ARL15: variants seen among roughly 807,000 people sequenced by gnomAD.
ARL15 encodes the protein ARF like GTPase 15, also known as ADP-ribosylation factor-like protein 15.
In ARL15, 19 loss-of-function variants were observed where a neutral mutation model predicts 25.2. The ratio of observed to expected loss-of-function variants is 0.75; its 90% CI spans 0.53 to 1.10. The LOEUF is 1.10. Ranked by LOEUF, ARL15 falls within the 50% of genes least tolerant of loss-of-function variation. The pLI, the probability that ARL15 is intolerant of heterozygous loss-of-function variation, is 0.00. For synonymous variants in ARL15, 94 were observed against 86.8 expected (o/e 1.08, Z -0.46); for missense variants, 220 against 246.0 (o/e 0.89, Z 0.71).
At chr5:54,252,544 C>T (rs1254428160) in intron 1 of ARL15, among the ~76,000 whole-genome samples, 1 of 152,068 alleles carries the variant, frequency 6.6e-6, no homozygotes, top group Non-Finnish European at 1.5e-5. Flanking sequence ...GTTTAACCAC[C>T]GACAGGGTTC....
At chr5:54,002,125 T>G (rs1435304186) in intron 4 of ARL15, among the ~76,000 whole-genome samples, 1 of 150,946 alleles carries the variant, frequency 6.6e-6, no homozygotes, top group Non-Finnish European at 1.5e-5. Context: ...GTTCAACAGT[T>G]TTCTTTTTCC....
At chr5:53,970,997 AAG>A (rs1176291596) in intron 4 of ARL15, among the ~76,000 whole-genome samples, 1 of 152,184 alleles carries the variant, frequency 6.6e-6, no homozygotes, top group Non-Finnish European at 1.5e-5. Context: ...GGGAGGAAAA[AAG>A]AGAGAGAAAA....
intron 4 of ARL15, among the ~76,000 whole-genome samples, chr5:53,977,920 A>G (rs1329880496): frequency 6.9e-6 from 1 of 145,824 alleles, no homozygotes; most frequent in Non-Finnish European, 1.5e-5. Context: ...TATGTTCTTT[A>G]GATGAAAGAT....
chr5:54,168,179 A>G (rs1265813225), intron 2 of ARL15, among the ~76,000 whole-genome samples: 1 of 152,196 alleles, frequency 6.6e-6, no homozygotes, highest in Non-Finnish European at 1.5e-5. Flanking sequence ...GAATGAATTA[A>G]CAAAATATAA....
chr5:54,193,521 T>G (rs1755463709), intron 1 of ARL15, among the ~76,000 whole-genome samples: 1 of 152,070 alleles, frequency 6.6e-6, no homozygotes, highest in African/African-American at 2.4e-5. Flanking sequence ...GCGGGAACCC[T>G]ACTGTGAACT....
At chr5:53,918,109 A>C (rs561551603) in intron 4 of ARL15, among the ~76,000 whole-genome samples, 2 of 152,322 alleles carry the variant, frequency 1.3e-5, no homozygotes, top group African/African-American at 4.8e-5. Context: ...ATAACTACTA[A>C]TGAATCAAGA....
chr5:54,033,010 C>A (rs1262714678), intron 4 of ARL15, among the ~76,000 whole-genome samples: 1 of 150,818 alleles, frequency 6.6e-6, no homozygotes, highest in African/African-American at 2.4e-5. Flanking sequence ...AAGTTGGAAT[C>A]TACAGCTATA....
chr5:53,982,588 A>C (rs1178310344), intron 4 of ARL15, among the ~76,000 whole-genome samples: 3 of 152,094 alleles, frequency 2.0e-5, no homozygotes, highest in Non-Finnish European at 2.9e-5. Flanking sequence ...TCTATCATTG[A>C]TGGGCATTTG....
rs774608441 is a variant in ARL15 at position 54,125,075 on chromosome 5, G to GTTTTTTTTTTT, written c.254-11666_254-11665insAAAAAAAAAAA. Among the ~76,000 whole-genome samples the GTTTTTTTTTTT allele has an allele frequency of 9.6e-5, 13 of 135,002 alleles. 2 individuals are homozygous for GTTTTTTTTTTT. Among genetic ancestry groups the GTTTTTTTTTTT allele is most frequent in the African/African-American group, 1.8e-4 (6 of 34,272 alleles). 88.6% of individuals were successfully genotyped at this position (135,002 alleles called of 152,430 possible). A position where few individuals can be genotyped will look rare whatever the true frequency, so the allele number is the denominator to read the frequency against. ...TTCTGGTAAGCAAGTTTTTTGTTTT[G>GTTTTTTTTTTT]TTTTGTTTTGTTTTTTTTTTTTTTG... On this transcript the variant is annotated intron_variant, in intron 3 of 4. Transcript: ENST00000504924.
chr5:53,931,879 G>A (rs1418919636), intron 4 of ARL15, among the ~76,000 whole-genome samples: 1 of 152,144 alleles, frequency 6.6e-6, no homozygotes, highest in Non-Finnish European at 1.5e-5. Flanking sequence ...GTAGGCTAGA[G>A]GTTTGGGCTT....
At chr5:54,141,706 C>G (rs1753786349) in intron 3 of ARL15, among the ~76,000 whole-genome samples, 1 of 152,056 alleles carries the variant, frequency 6.6e-6, no homozygotes, top group South Asian at 2.1e-4. Context: ...TCACTTATTG[C>G]CATATTTTCC....
chr5:53,964,110 G>A (rs1435945984), intron 4 of ARL15, among the ~76,000 whole-genome samples: 1 of 152,082 alleles, frequency 6.6e-6, no homozygotes, highest in Non-Finnish European at 1.5e-5. Flanking sequence ...GAGCCTGGTT[G>A]TGGCCACAGA....
Position 54,279,822 on chromosome 5 carries a change from A to C in ARL15, c.48+30610T>G, listed in dbSNP as rs567267960. Among the ~76,000 whole-genome samples, 35 of 152,316 alleles carry C rather than the reference A, an allele frequency of 2.3e-4. No individual in the cohort carries two copies. The South Asian group carries it at 6.2e-3, about 27-fold the overall frequency. On this transcript the variant is annotated intron_variant, in intron 1 of 4. Transcript: ENST00000504924. Reference sequence around the variant, plus strand: ...GATATCAGCAGTTCCAATATTCCCAAGTTCTAGATGGAAATACCTTATTGT... The same window carrying C: ...GATATCAGCAGTTCCAATATTCCCACGTTCTAGATGGAAATACCTTATTGT...
intron 4 of ARL15, among the ~76,000 whole-genome samples, chr5:53,966,758 GT>G (rs1391441806): frequency 6.6e-6 from 1 of 152,176 alleles, no homozygotes; most frequent in Admixed American, 6.5e-5. Context: ...TGGTTTGAGA[GT>G]TTTTCCCAAA....
At chr5:54,237,058 T>A (rs1392344199) in intron 1 of ARL15, among the ~76,000 whole-genome samples, 1 of 152,324 alleles carries the variant, frequency 6.6e-6, no homozygotes, top group East Asian at 1.9e-4. Flanking sequence ...CACCCAAATC[T>A]CATCTTGAAT....
chr5:54,004,726 G>C (rs1244040190), intron 4 of ARL15, among the ~76,000 whole-genome samples: 1 of 151,992 alleles, frequency 6.6e-6, no homozygotes, highest in East Asian at 1.9e-4. Flanking sequence ...AATACTGCTG[G>C]ATGGTTACAA....
rs147466836 is a variant in ARL15, at chr5:54,052,289, T to A, written c.462+60913A>T. 8.5e-3 allele frequency among the ~76,000 whole-genome samples: 1,290 copies of A among 152,190 alleles called. 5 individuals are homozygous for A. The highest frequency in any genetic ancestry group is 0.013 in the Non-Finnish European group (905 of 68,000). ...CTCAATGTATGCAAATTAAAAAAAA[T>A]TAACTAGAAAGTCGGGGAAGCCTAG... On this transcript the variant is annotated intron_variant, in intron 4 of 4. Coordinates refer to ENST00000504924, the MANE Select transcript of ARL15 (RefSeq NM_019087.3).
At chr5:54,194,663 T>C (rs1755502623) in intron 1 of ARL15, among the ~76,000 whole-genome samples, 1 of 152,068 alleles carries the variant, frequency 6.6e-6, no homozygotes, top group African/African-American at 2.4e-5. Flanking sequence ...AAGAAACATA[T>C]AGCTTTGTGG....
intron 4 of ARL15, among the ~76,000 whole-genome samples, chr5:54,099,484 G>C (rs537627291): frequency 6.6e-6 from 1 of 152,148 alleles, no homozygotes; most frequent in Non-Finnish European, 1.5e-5. Flanking sequence ...TGTAAGGGTT[G>C]TGTAAGGGCT....
Sources: gnomAD v4.1 joint callset for allele counts (sites outside exome capture counted in the v4.1 genomes callset) on GRCh38, gnomAD v4.1.1 for gene constraint, MANE v1.5 for transcripts, NCBI Gene and HGNC (gene_info 2026-07-23, HGNC 2026-07-21) for gene names.